The following STARD10 variants were observed in gnomAD, a reference collection of about 807,000 sequenced individuals.
STARD10 encodes START domain-containing protein 10.
Under a neutral mutation model 36.0 loss-of-function variants are expected in STARD10, and 24 were observed. That is an observed-to-expected ratio of 0.67 (90% CI 0.48 to 0.94). The LOEUF is 0.94. Among genes scored for constraint, STARD10 ranks in the 40% least tolerant of loss-of-function variants. STARD10 has a pLI of 0.00. For missense variants in STARD10, 335 were observed against 396.6 expected (o/e 0.84, Z 1.32); for synonymous variants, 156 against 161.9 (o/e 0.96, Z 0.28).
rs545691550 is a variant in STARD10, at chr11:72,771,301, G to T, written c.207+9674C>A. On this transcript the variant is annotated intron_variant, in intron 2 of 6. Coordinates refer to ENST00000334805, the MANE Select transcript of STARD10 (RefSeq NM_006645.3). The stretch of plus-strand genomic sequence containing the variant: ...TAGGGCTTTTGAGGGTGTGTGTGGA[G>T]TTCAGGGGATGTTGGGGCTGGCTTG... Among the ~76,000 whole-genome samples the T allele has an allele frequency of 2.0e-4, 31 of 152,324 alleles. No individual in the cohort carries two copies. In the South Asian group the frequency reaches 5.6e-3, roughly 27 times the overall value.
intron 5 of STARD10, among the ~76,000 whole-genome samples, chr11:72,756,874 G>A (rs1858651845): frequency 1.3e-5 from 2 of 152,286 alleles, no homozygotes; most frequent in East Asian, 1.9e-4. Flanking sequence ...GGCTAAGCGC[G>A]GTGGCTCACG....
intron 2 of STARD10, among the ~76,000 whole-genome samples, chr11:72,777,026 C>A (rs1050613202): frequency 1.3e-5 from 2 of 152,194 alleles, no homozygotes; most frequent in African/African-American, 4.8e-5. Flanking sequence ...CTCAGCCACA[C>A]CCCCTCCCAC....
chr11:72,760,153 G>A (rs1474871884), intron 2 of STARD10, among the ~76,000 whole-genome samples: 3 of 150,348 alleles, frequency 2.0e-5, no homozygotes, highest in East Asian at 2.0e-4. Context: ...CACCCACCTC[G>A]GCCTCCCAAA....
rs556895584 is a variant in STARD10, at chr11:72,793,287, C to A, written c.-526G>T. On this transcript the variant is annotated 5_prime_UTR_variant, in exon 1 of 7. Transcript: ENST00000334805. ...ATAATAATATTTTGCCTTTATATACCGCGTGGGTAAATTCCTGAAAGTAAA... is the reference window on the plus strand; with the variant it reads ...ATAATAATATTTTGCCTTTATATACAGCGTGGGTAAATTCCTGAAAGTAAA... 39 of 152,306 alleles carry A rather than the reference C, an allele frequency of 2.6e-4. No individual in the cohort carries two copies. The highest frequency in any genetic ancestry group is 9.4e-4 in the African/African-American group (39 of 41,560). 9.4% of individuals were successfully genotyped at this position (152,306 alleles called of 1,614,324 possible).
chr11:72,784,751 T>C (rs116593940), intron 1 of STARD10, among the ~76,000 whole-genome samples: 2,907 of 152,252 alleles, frequency 0.019, 103 homozygotes, highest in African/African-American at 0.066. Flanking sequence ...GTCTGGCTGC[T>C]CTCTGGGTCC....
rs765529093 is a variant in STARD10 at position 72,787,084 on chromosome 11, CAAAAAAAAAAA to C, written c.-114+5780_-114+5790del. 8.3e-5 allele frequency among the ~76,000 whole-genome samples: 6 copies of C among 72,024 alleles called. 1 individual carries two copies. The highest frequency in any genetic ancestry group is 3.1e-4 in the Admixed American group (2 of 6,412). The allele number at this position is 72,024 out of a possible 152,430, so 47.3% of individuals were successfully genotyped here. ...GGGTGACAGAGAGAGACCCTGTGTC[CAAAAAAAAAAA>C]AAAAAAAAAAGGAAATGGGACAGCT... On this transcript the variant is annotated intron_variant, in intron 1 of 6. Coordinates refer to ENST00000334805, the MANE Select transcript of STARD10 (RefSeq NM_006645.3).
Position 72,758,630 on chromosome 11 carries a change from C to A in STARD10, c.359G>T (p.Arg120Met), listed in dbSNP as rs752808707. ...ACGGTTCTTCAGGGGCTTGGGACAC[C>A]TCCCTGTGGGGGGCAAGGGACAGTT... ...VNADVGYYSW[R>M]CPKPLKNRDV... Residue 120 changes from arginine to methionine, a missense_variant, in exon 4 of 7, where the codon AGG becomes ATG. Transcript: ENST00000334805. 2.5e-6 allele frequency: 4 copies of A among 1,612,680 alleles called. No homozygotes were observed. Among genetic ancestry groups the A allele is most frequent in the Non-Finnish European group, 3.4e-6 (4 of 1,179,140 alleles).
At chr11:72,790,341 C>T (rs576127171) in intron 1 of STARD10, 5 of 144,420 alleles carry the variant, frequency 3.5e-5, no homozygotes, top group African/African-American at 1.3e-4. Context: ...GCTTACCTCG[C>T]CGTGGGGCTC....
At chr11:72,770,868 G>C (rs146702726) in intron 2 of STARD10, among the ~76,000 whole-genome samples, 19 of 152,284 alleles carry the variant, frequency 1.2e-4, no homozygotes, top group Middle Eastern at 3.4e-3. Flanking sequence ...GGACTGGTTG[G>C]GGGAAGGAGA....
Position 72,781,533 on chromosome 11 carries a change from C to CCGGGACCCGAGGGGAGGGACGGTGCGG in STARD10, c.-113-266_-113-240dup, listed in dbSNP as rs1858997697. ...GCGCCCGTCGGGACCCAGGGACTGGCCGGGACCCGAGGGGAGGGACGGTGC... is the reference window on the plus strand; with the variant it reads ...GCGCCCGTCGGGACCCAGGGACTGGCCGGGACCCGAGGGGAGGGACGGTGCGGCGGGACCCGAGGGGAGGGACGGTGC... On this transcript the variant is annotated intron_variant, in intron 1 of 6. Transcript: ENST00000334805. This position sits in a 1 kb window ranked among gnomAD's most constrained non-coding sequence, Gnocchi z 4.7. The CCGGGACCCGAGGGGAGGGACGGTGCGG allele has an allele frequency of 4.7e-6, 1 of 214,206 alleles. No individual in the cohort carries two copies. The highest frequency in any genetic ancestry group is 1.2e-4 in the East Asian group (1 of 8,198). 13.3% of individuals were successfully genotyped at this position (214,206 alleles called of 1,614,324 possible).
chr11:72,770,646 C>T (rs143357279), intron 2 of STARD10, among the ~76,000 whole-genome samples: 1 of 152,300 alleles, frequency 6.6e-6, no homozygotes, highest in East Asian at 1.9e-4. Context: ...AACCTGGGAA[C>T]ACTCTGCGTT....
intron 1 of STARD10, among the ~76,000 whole-genome samples, chr11:72,787,159 C>T (rs1054017497): frequency 6.6e-6 from 1 of 151,254 alleles, no homozygotes; most frequent in Admixed American, 6.6e-5. Flanking sequence ...CTAGACCACA[C>T]ACCACTAAGT....
At chr11:72,784,385 CCA>C (rs1312695038) in intron 1 of STARD10, among the ~76,000 whole-genome samples, 1 of 152,112 alleles carries the variant, frequency 6.6e-6, no homozygotes, top group East Asian at 1.9e-4. Flanking sequence ...TCTCTGAGCC[CCA>C]GTTTCCTCAT....
chr11:72,773,323 G>GC (rs1858888278), intron 2 of STARD10, among the ~76,000 whole-genome samples: 1 of 152,308 alleles, frequency 6.6e-6, no homozygotes, highest in Admixed American at 6.5e-5. Flanking sequence ...CCTCTGGCAT[G>GC]CTTGGACTGG....
chr11:72,754,743 C>A lies in STARD10; in HGVS notation c.*154G>T. ...GATGAGCCGGCTGAGGCTGTGGGAT[C>A]GTTTATTGGGGCTCTGTCCAGCCAG... On this transcript the variant is annotated 3_prime_UTR_variant, in exon 7 of 7. Coordinates refer to ENST00000334805, the MANE Select transcript of STARD10 (RefSeq NM_006645.3). 8.5e-7 allele frequency: 1 copy of A among 1,175,014 alleles called. No homozygotes were observed. Among genetic ancestry groups the A allele is most frequent in the Non-Finnish European group, 1.2e-6 (1 of 824,540 alleles). The allele number at this position is 1,175,014 out of a possible 1,614,324, so 72.8% of individuals were successfully genotyped here.
At chr11:72,789,725 T>C (rs1415028389) in intron 1 of STARD10, among the ~76,000 whole-genome samples, 1 of 152,170 alleles carries the variant, frequency 6.6e-6, no homozygotes, top group African/African-American at 2.4e-5. Context: ...CTGAAGGCTC[T>C]GCCCTGGGTC....
intron 1 of STARD10, among the ~76,000 whole-genome samples, chr11:72,788,454 G>A (rs1388155938): frequency 2.0e-5 from 3 of 152,176 alleles, no homozygotes; most frequent in East Asian, 1.9e-4. Flanking sequence ...TGGCTGTGTC[G>A]CACTGCAAGG....
In STARD10 at chr11:72,793,411, C is replaced by T. The variant is rs902415042; in HGVS notation, c.-650G>A. ...AGTTCCCTAAGGGAACAAAATTACC[C>T]AAAGTCACACAGCAAGCTGGAAGCA... On this transcript the variant is annotated 5_prime_UTR_variant, in exon 1 of 7. Transcript: ENST00000334805. The T allele has an allele frequency of 1.2e-4, 18 of 152,230 alleles. No individual in the cohort carries two copies. Among genetic ancestry groups the T allele is most frequent in the African/African-American group, 4.1e-4 (17 of 41,452 alleles). 9.4% of individuals were successfully genotyped at this position (152,230 alleles called of 1,614,324 possible).
At chr11:72,773,313 C>T (rs1858888098) in intron 2 of STARD10, among the ~76,000 whole-genome samples, 1 of 152,174 alleles carries the variant, frequency 6.6e-6, no homozygotes, top group Non-Finnish European at 1.5e-5. Context: ...CCCTCTATCC[C>T]CTCTGGCATG....
Sources: allele counts gnomAD v4.1 joint callset (sites outside exome capture counted in the v4.1 genomes callset), GRCh38; gene constraint gnomAD v4.1.1; non-coding constraint Gnocchi (gnomAD v3.1); transcripts MANE v1.5; gene names NCBI Gene and HGNC (gene_info 2026-07-23, HGNC 2026-07-21).